CIZ1: variants seen among roughly 807,000 people sequenced by gnomAD.
CIZ1 encodes the protein cip1-interacting zinc finger protein.
A neutral mutation model predicts 118.6 loss-of-function variants in CIZ1; 58 were observed. The ratio of observed to expected loss-of-function variants is 0.49; its 90% CI spans 0.40 to 0.61. CIZ1 has a LOEUF of 0.61. Among genes scored for constraint, CIZ1 ranks in the 20% least tolerant of loss-of-function variants. CIZ1 has a pLI of 0.00. For synonymous variants in CIZ1, 448 were observed against 443.4 expected (o/e 1.01, Z -0.13); for missense variants, 921 against 1,115.9 (o/e 0.83, Z 2.49).
chr9:128,195,593 C>T (rs1330956041), upstream of CIZ1, among the ~76,000 whole-genome samples: 3 of 152,082 alleles, frequency 2.0e-5, no homozygotes, highest in South Asian at 2.1e-4. Context: ...GCTGGGATTA[C>T]AAGCGTGAGC....
chr9:128,169,279 C>A, intron 13 of CIZ1, 78 bp from the exon 14 acceptor site: 4 of 1,414,216 alleles, frequency 2.8e-6, no homozygotes, highest in Non-Finnish European at 3.0e-6. Context: ...CCACCCCTCC[C>A]CTGAGAGTCC....
chr9:128,203,335 T>C lies in CIZ1; in HGVS notation c.-6+851A>G. 1 of 817,984 alleles carries C rather than the reference T, an allele frequency of 1.2e-6. No homozygotes were observed. The highest frequency in any genetic ancestry group is 4.8e-5 in the East Asian group (1 of 20,854). The allele number at this position is 817,984 out of a possible 1,614,324, so 50.7% of individuals were successfully genotyped here. A position where few individuals can be genotyped will look rare whatever the true frequency, so the allele number is the denominator to read the frequency against. ...TCCCCCTAGCGGCGTCCGGGAGCGG[T>C]GCTCGCTCCGATCCCCGAGGGGCGG... On this transcript the variant is annotated intron_variant, in intron 1 of 17. Coordinates refer to the CIZ1 transcript ENST00000372948. This position sits in a 1 kb window ranked among gnomAD's most constrained non-coding sequence, Gnocchi z 5.3.
upstream of CIZ1, among the ~76,000 whole-genome samples, chr9:128,194,386 T>G (rs908507525): frequency 1.6e-5 from 2 of 128,328 alleles, no homozygotes; most frequent in African/African-American, 6.2e-5. Flanking sequence ...AAAAAAAGAA[T>G]CTTGCACATG....
At chr9:128,176,735 G>T (rs903949846) in intron 10 of CIZ1, among the ~76,000 whole-genome samples, 2 of 152,192 alleles carry the variant, frequency 1.3e-5, no homozygotes, top group African/African-American at 4.8e-5. Context: ...GGTCTCCAAG[G>T]CTGTGCCAGG....
chr9:128,189,853 A>G (rs1832911532), intron 3 of CIZ1, among the ~76,000 whole-genome samples: 1 of 149,250 alleles, frequency 6.7e-6, no homozygotes, highest in Non-Finnish European at 1.5e-5. Flanking sequence ...AAAAAAAAAA[A>G]AAAAGGAGCA....
chr9:128,203,367 C>T lies in CIZ1; in HGVS notation c.-6+819G>A. 8.7e-7 allele frequency: 1 copy of T among 1,152,324 alleles called. No homozygotes were observed. Among genetic ancestry groups the T allele is most frequent in the South Asian group, 2.8e-5 (1 of 35,494 alleles). The allele number at this position is 1,152,324 out of a possible 1,614,324, so 71.4% of individuals were successfully genotyped here. ...TCCGATCCCCGAGGGGCGGGGGCCC[C>T]GCGGCGCAGGCAGTCTGGGCGCGCG... On this transcript the variant is annotated intron_variant, in intron 1 of 17. Coordinates refer to the CIZ1 transcript ENST00000372948. This position sits in a 1 kb window ranked among gnomAD's most constrained non-coding sequence, Gnocchi z 5.3.
chr9:128,191,836 C>T, upstream of CIZ1: 2 of 1,471,380 alleles, frequency 1.4e-6, no homozygotes, highest in Non-Finnish European at 1.8e-6. The surrounding 1 kb of genome is among the most constrained non-coding windows in gnomAD (Gnocchi z 5.5). Context: ...GGGGGACTTC[C>T]TTCCTGTTCC....
chr9:128,178,195 C>A (rs1343493338), intron 9 of CIZ1, among the ~76,000 whole-genome samples, 174 bp downstream of exon 9: 1 of 152,142 alleles, frequency 6.6e-6, no homozygotes, highest in Non-Finnish European at 1.5e-5. Flanking sequence ...GTCCCATGCA[C>A]ACCACTATCA....
In CIZ1 at chr9:128,177,722, C is replaced by G; in HGVS notation, c.1662G>C (p.Gln554His). 1 of 1,607,558 alleles carries G rather than the reference C, an allele frequency of 6.2e-7. No homozygotes were observed. Among genetic ancestry groups the G allele is most frequent in the Non-Finnish European group, 8.5e-7 (1 of 1,177,186 alleles). Residue 554 changes from glutamine to histidine, a missense_variant, in exon 10 of 17, where the codon CAG becomes CAC. Coordinates refer to ENST00000372938, the MANE Select transcript of CIZ1 (RefSeq NM_001131016.2). ...AGGSLKVTIL[Q>H]SSDSRAFSTV... ...TGCTAAAGGCCCGGCTGTCACTGCT[C>G]TGCAGAATGGTGACCTTCAGGGAGC... is the stretch of plus-strand genomic sequence containing the variant.
chr9:128,167,474 A>T (rs1829578644), intron 14 of CIZ1: 1 of 343,182 alleles, frequency 2.9e-6, no homozygotes, highest in Non-Finnish European at 5.3e-6. Context: ...GAATCCTCAT[A>T]ACAGCCCTCT....
At chr9:128,178,611 A>G in intron 8 of CIZ1, 98 bp downstream of exon 8, 1 of 1,578,522 alleles carries the variant, frequency 6.3e-7, no homozygotes, top group Non-Finnish European at 8.7e-7. Context: ...TTCCAGGCCT[A>G]GCCCTCAGTC....
At chr9:128,185,853 C>T (rs1222903619) in intron 4 of CIZ1, 77 bp from the exon 5 acceptor site, 6 of 977,054 alleles carry the variant, frequency 6.1e-6, no homozygotes, top group Admixed American at 5.9e-5. Flanking sequence ...ATCAGTGCCC[C>T]AGAGCATCAT....
In CIZ1 at chr9:128,190,818, G is replaced by T; in HGVS notation, c.40C>A (p.Gln14Lys). The T allele has an allele frequency of 6.5e-7, 1 of 1,539,166 alleles. No homozygotes were observed. ...TGCTGTAACTGCTGGAGCTGCTGCT[G>T]CTGTTGCTGGAGCTGCTGCTGCTGC... Reference protein sequence around the residue: ...QQQQQQLQQQQQQLQQLQQQQ... With the variant: ...QQQQQQLQQQKQQLQQLQQQQ... Residue 14 changes from glutamine (Q) to lysine (K), a missense_variant, in exon 2 of 17, where the codon CAG becomes AAG. Coordinates refer to ENST00000372938, the MANE Select transcript of CIZ1 (RefSeq NM_001131016.2).
Position 128,179,111 on chromosome 9 carries a change from G to A in CIZ1, c.1096C>T (p.Gln366Ter). ...TGCTTCTGTGGCTCTGCCTCCTGCTGCAGCTGTGGCTGCACCTGCTTCTGT... is the reference window on the plus strand; with the variant it reads ...TGCTTCTGTGGCTCTGCCTCCTGCTACAGCTGTGGCTGCACCTGCTTCTGT... ...LQQKQVQPQL[Q>*]QEAEPQKQVQ... The change falls in exon 8 of 17, where the codon CAG becomes TAG. Residue 366 changes from glutamine (Q) to a stop codon, truncating the protein, a stop_gained. Transcript: ENST00000372938. LOFTEE classifies it high-confidence loss of function. 6.2e-7 allele frequency: 1 copy of A among 1,613,984 alleles called. No homozygotes were observed. The highest frequency in any genetic ancestry group is 8.5e-7 in the Non-Finnish European group (1 of 1,179,894).
upstream of CIZ1, chr9:128,191,724 G>C (rs1833183650): frequency 7.4e-7 from 1 of 1,358,612 alleles, no homozygotes; most frequent in Non-Finnish European, 9.5e-7. The surrounding 1 kb of genome is among the most constrained non-coding windows in gnomAD (Gnocchi z 5.5). Context: ...GTCCTGGGCG[G>C]CTCATACCCT....
chr9:128,169,920 G>A (rs1001672486), intron 12 of CIZ1, 100 bp downstream of exon 12: 26 of 1,177,680 alleles, frequency 2.2e-5, no homozygotes, highest in Admixed American at 6.4e-5. Flanking sequence ...GTGTGCAGGG[G>A]CAAAGAGGAA....
intron 1 of CIZ1, among the ~76,000 whole-genome samples, chr9:128,201,535 CCT>C (rs1833516830): frequency 6.6e-6 from 1 of 152,202 alleles, no homozygotes; most frequent in Non-Finnish European, 1.5e-5. Context: ...AACTGCACCC[CCT>C]CCTGGTGCCA....
In CIZ1 at chr9:128,176,484, G is replaced by A. The variant is rs1333978986; in HGVS notation, c.1819-9C>T. On this transcript the variant is annotated splice_polypyrimidine_tract_variant and intron_variant, in intron 10 of 16. Transcript: ENST00000372938. ...ATGTGGTCCTGGAACTCCTGCAGCA[G>A]GAGGGAAAGAGGGATGGGCCTGGGG... 1 of 1,612,010 alleles carries A rather than the reference G, an allele frequency of 6.2e-7. No homozygotes were observed. The highest frequency in any genetic ancestry group is 1.1e-5 in the South Asian group (1 of 91,030).
At chr9:128,171,248 A>T (rs895242137) in intron 11 of CIZ1, among the ~76,000 whole-genome samples, 4 of 151,554 alleles carry the variant, frequency 2.6e-5, no homozygotes, top group African/African-American at 9.7e-5. Context: ...CCTAGGCAAC[A>T]TAGTGAGATC....
Sources: allele counts gnomAD v4.1 joint callset (sites outside exome capture counted in the v4.1 genomes callset), GRCh38; gene constraint gnomAD v4.1.1; non-coding constraint Gnocchi (gnomAD v3.1); transcripts MANE v1.5; gene names NCBI Gene and HGNC (gene_info 2026-07-23, HGNC 2026-07-21).